NYAP2: variants seen among roughly 807,000 people sequenced by gnomAD.
NYAP2 encodes the protein neuronal tyrosine-phosphorylated phosphoinositide-3-kinase adaptor 2.
A neutral mutation model predicts 50.4 loss-of-function variants in NYAP2; 23 were observed. The observed-to-expected ratio is 0.46, with a 90% CI of 0.33 to 0.65. The LOEUF is 0.65. Ranked by LOEUF, NYAP2 falls within the 30% of genes least tolerant of loss-of-function variation. The pLI, the probability that NYAP2 is intolerant of heterozygous loss-of-function variation, is 0.02. For missense variants in NYAP2, 885 were observed against 861.0 expected, an observed-to-expected ratio of 1.03 and a Z score of -0.35; for synonymous variants, 394 against 365.2, an observed-to-expected ratio of 1.08 and a Z score of -0.90.
At chr2:225,684,475 C>T in the NYAP2 span, among the ~76,000 whole-genome samples, 2 of 151,468 alleles carry the variant, frequency 1.3e-5, no homozygotes, top group African/African-American at 4.8e-5. Context: ...CCACCCCCAG[C>T]TCTCACCTTT....
intron 3 of NYAP2, among the ~76,000 whole-genome samples, chr2:225,467,208 A>G (rs1689934898): frequency 6.6e-6 from 1 of 152,150 alleles, no homozygotes; most frequent in Admixed American, 6.5e-5. Flanking sequence ...GAATGTCCTT[A>G]GAGGTCAGAT....
intron 6 of NYAP2, among the ~76,000 whole-genome samples, chr2:225,641,144 C>G (rs1041903896): frequency 6.6e-6 from 1 of 152,202 alleles, no homozygotes; most frequent in African/African-American, 2.4e-5. Context: ...CCTGTGCCCT[C>G]TCCTAGAGGA....
intron 5 of NYAP2, among the ~76,000 whole-genome samples, chr2:225,601,175 C>A (rs1692684307): frequency 6.7e-6 from 1 of 148,322 alleles, no homozygotes; most frequent in Admixed American, 6.8e-5. Flanking sequence ...GGCTGGAGAG[C>A]AGTGACGCGA....
At chr2:225,634,444 G>A (rs1357409185) in intron 6 of NYAP2, among the ~76,000 whole-genome samples, 3 of 152,084 alleles carry the variant, frequency 2.0e-5, no homozygotes, top group African/African-American at 7.2e-5. Flanking sequence ...ACCCATTGTA[G>A]GGAAGCATTT....
At position 225,433,766 on chromosome 2, in the gene NYAP2, G is replaced by C. The variant is rs570579567; in HGVS notation, c.221+24665G>C. On this transcript the variant is annotated intron_variant, in intron 3 of 6. Transcript: ENST00000636099. ...CGGGAGGCGGAGCTCGCAGTGAGCC[G>C]AGATCGCGCCACTGCGCTCCAGCCT... Among the ~76,000 whole-genome samples, 9 of 134,980 alleles carry C rather than the reference G, an allele frequency of 6.7e-5. No individual in the cohort carries two copies. In the South Asian group the frequency reaches 1.8e-3, roughly 27 times the overall value. 88.6% of individuals were successfully genotyped at this position (134,980 alleles called of 152,430 possible).
At chr2:225,515,302 T>G (rs1255884760) in intron 4 of NYAP2, among the ~76,000 whole-genome samples, 2 of 152,252 alleles carry the variant, frequency 1.3e-5, no homozygotes, top group African/African-American at 2.4e-5. Context: ...TCTTGTGTTT[T>G]GTATTTTCAC....
intron 5 of NYAP2, among the ~76,000 whole-genome samples, chr2:225,587,140 C>T (rs1446346690): frequency 5.9e-5 from 9 of 152,134 alleles, no homozygotes; most frequent in Non-Finnish European, 1.3e-4. Context: ...CCACCTGGCC[C>T]CTCCCTTAAC....
intron 2 of NYAP2, among the ~76,000 whole-genome samples, chr2:225,408,178 A>G (rs1694972780): frequency 6.6e-6 from 1 of 152,014 alleles, no homozygotes; most frequent in African/African-American, 2.4e-5. Flanking sequence ...ATGAGACAAC[A>G]GTTGTCAATG....
At chr2:225,446,622 C>T (rs1689569672) in intron 3 of NYAP2, among the ~76,000 whole-genome samples, 1 of 152,046 alleles carries the variant, frequency 6.6e-6, no homozygotes, top group Non-Finnish European at 1.5e-5. Flanking sequence ...CATACTGTGG[C>T]ACCTACAAAT....
At chr2:225,493,040 G>A (rs147233883) in intron 3 of NYAP2, among the ~76,000 whole-genome samples, 81 of 151,330 alleles carry the variant, frequency 5.4e-4, no homozygotes, top group African/African-American at 1.9e-3. Flanking sequence ...AGGCTGGAGC[G>A]CAGTGACACC....
chr2:225,466,339 T>C (rs1689918146), intron 3 of NYAP2, among the ~76,000 whole-genome samples: 1 of 152,220 alleles, frequency 6.6e-6, no homozygotes, highest in East Asian at 1.9e-4. Context: ...TATTATATTT[T>C]CTAGATTTTT....
intron 4 of NYAP2, among the ~76,000 whole-genome samples, chr2:225,576,341 A>G (rs540324671): frequency 1.3e-5 from 2 of 152,194 alleles, no homozygotes; most frequent in South Asian, 2.1e-4. Flanking sequence ...CTTTTTGTAC[A>G]TGATTACACT....
chr2:225,660,574 G>A, the NYAP2 span, among the ~76,000 whole-genome samples: 1 of 150,350 alleles, frequency 6.7e-6, no homozygotes, highest in African/African-American at 2.4e-5. Context: ...TAAAACGAAT[G>A]TCTGGCTTCA....
chr2:225,428,307 C>T (rs1007374694), intron 3 of NYAP2, among the ~76,000 whole-genome samples: 1 of 152,174 alleles, frequency 6.6e-6, no homozygotes, highest in Admixed American at 6.5e-5. Flanking sequence ...CCAGGGGAAA[C>T]CTGGAAAGAT....
chr2:225,486,650 T>C (rs767116949), intron 3 of NYAP2, among the ~76,000 whole-genome samples: 51 of 152,180 alleles, frequency 3.4e-4, no homozygotes, highest in African/African-American at 8.9e-4. Flanking sequence ...TCTAAATTCA[T>C]TGTACTCGTT....
At chr2:225,454,224 G>A (rs1262185879) in intron 3 of NYAP2, among the ~76,000 whole-genome samples, 2 of 152,048 alleles carry the variant, frequency 1.3e-5, no homozygotes, top group Admixed American at 6.5e-5. Context: ...TATAATGCCT[G>A]GGAGGCTGAG....
At chr2:225,434,978 A>G (rs1689352135) in intron 3 of NYAP2, among the ~76,000 whole-genome samples, 1 of 152,242 alleles carries the variant, frequency 6.6e-6, no homozygotes, top group Admixed American at 6.5e-5. Context: ...CTATTGTGCA[A>G]CTAGCTGAGT....
intron 6 of NYAP2, among the ~76,000 whole-genome samples, chr2:225,645,380 G>A (rs1203476711): frequency 6.6e-6 from 1 of 152,104 alleles, no homozygotes; most frequent in Non-Finnish European, 1.5e-5. Flanking sequence ...TTTACTCAAA[G>A]GAGTTAAAAT....
intron 6 of NYAP2, among the ~76,000 whole-genome samples, chr2:225,642,400 A>T (rs1574726122): frequency 6.6e-6 from 1 of 152,164 alleles, no homozygotes; most frequent in African/African-American, 2.4e-5. Flanking sequence ...AACATGTATT[A>T]TCTTATTTAA....
Sources: gnomAD v4.1 joint callset for allele counts (sites outside exome capture counted in the v4.1 genomes callset) on GRCh38, gnomAD v4.1.1 for gene constraint, MANE v1.5 for transcripts, NCBI Gene and HGNC (gene_info 2026-07-23, HGNC 2026-07-21) for gene names.